The following PCID2 variants were observed in gnomAD, a reference collection of about 807,000 sequenced individuals.
PCID2 encodes PCI domain-containing protein 2.
A neutral mutation model predicts 61.3 loss-of-function variants in PCID2; 41 were observed. That is an observed-to-expected ratio of 0.67 (90% CI 0.52 to 0.87). The LOEUF is 0.87. PCID2 is among the 40% of genes least tolerant of loss of function. The pLI is 0.00. For missense variants in PCID2, 392 were observed against 493.4 expected, an observed-to-expected ratio of 0.79 and a Z score of 1.95; for synonymous variants, 187 against 177.8, an observed-to-expected ratio of 1.05 and a Z score of -0.41.
At chr13:113,167,850 T>A in the PCID2 span, among the ~76,000 whole-genome samples, 1 of 152,238 alleles carries the variant, frequency 6.6e-6, no homozygotes, top group African/African-American at 2.4e-5. Context: ...TCTTATCTGT[T>A]CTTTTCCCCT....
chr13:113,198,636 G>A (rs774997742), intron 2 of PCID2, among the ~76,000 whole-genome samples: 1 of 152,148 alleles, frequency 6.6e-6, no homozygotes, highest in African/African-American at 2.4e-5. Context: ...ACATGGGTGG[G>A]GGAGGTTGTA....
intron 3 of PCID2, 62 bp from the exon 4 acceptor site, chr13:113,197,305 A>C (rs954665365): frequency 5.2e-6 from 6 of 1,160,276 alleles, no homozygotes; most frequent in Non-Finnish European, 7.8e-6. Flanking sequence ...TATGCAGCCC[A>C]CACAGCTCAC....
chr13:113,198,119 T>G, intron 3 of PCID2, 72 bp downstream of exon 3: 1 of 1,020,878 alleles, frequency 9.8e-7, no homozygotes, highest in Non-Finnish European at 1.5e-6. Flanking sequence ...CACAAGATAA[T>G]GCAAGATAAA....
At chr13:113,167,763 T>C in the PCID2 span, among the ~76,000 whole-genome samples, 1 of 152,224 alleles carries the variant, frequency 6.6e-6, no homozygotes, top group Non-Finnish European at 1.5e-5. Context: ...TTAATTGGGG[T>C]ATTTAGGCCA....
intron 7 of PCID2, chr13:113,188,614 G>A (rs1340211574): frequency 6.6e-6 from 1 of 152,210 alleles, no homozygotes; most frequent in Admixed American, 6.5e-5. Flanking sequence ...CAAAAAGATG[G>A]CAGTGCTTCA....
At chr13:113,171,522 A>G in the PCID2 span, 1 of 1,599,500 alleles carries the variant, frequency 6.3e-7, no homozygotes, top group Admixed American at 1.7e-5. This position sits in a 1 kb window ranked among gnomAD's most constrained non-coding sequence, Gnocchi z 5.1. Flanking sequence ...TGGCTCCCTG[A>G]GAAGCTCGTT....
chr13:113,204,123 C>T (rs548555847), intron 1 of PCID2, among the ~76,000 whole-genome samples: 1 of 152,380 alleles, frequency 6.6e-6, no homozygotes, highest in Admixed American at 6.5e-5. Context: ...CTTATGGTTC[C>T]AGGCACTCCA....
In PCID2 at chr13:113,185,679, T is replaced by C. The variant is rs2038046322; in HGVS notation, c.468-119A>G. ...GGTAAGTCCCAAAGCTCAAGTCATATTCATATCAACTTATTCATATCAAGT... is the reference window on the plus strand; with the variant it reads ...GGTAAGTCCCAAAGCTCAAGTCATACTCATATCAACTTATTCATATCAAGT... On this transcript the variant is annotated intron_variant, in intron 7 of 13. Transcript: ENST00000337344. 16 of 628,954 alleles carry C rather than the reference T, an allele frequency of 2.5e-5. No individual in the cohort carries two copies. The South Asian group carries it at 3.4e-4, about 13-fold the overall frequency. The allele number at this position is 628,954 out of a possible 1,614,324, so 39.0% of individuals were successfully genotyped here. A position where few individuals can be genotyped will look rare whatever the true frequency, so the allele number is the denominator to read the frequency against.
intron 4 of PCID2, chr13:113,196,945 A>T: frequency 9.3e-7 from 1 of 1,080,400 alleles, no homozygotes; most frequent in Non-Finnish European, 1.4e-6. Context: ...GCAGAGTAAG[A>T]TCCTTCTTCC....
intron 3 of PCID2, among the ~76,000 whole-genome samples, chr13:113,197,599 A>C (rs965543598): frequency 6.6e-6 from 1 of 152,206 alleles, no homozygotes; most frequent in African/African-American, 2.4e-5. Context: ...AACCTATCGC[A>C]CACTGCACAG....
chr13:113,188,411 G>C (rs2138763649), intron 7 of PCID2: 1 of 152,352 alleles, frequency 6.6e-6, no homozygotes, highest in South Asian at 2.1e-4. Context: ...TTCAGCAATA[G>C]GATGCCTGAG....
the PCID2 span, among the ~76,000 whole-genome samples, chr13:113,170,031 T>C: frequency 2.0e-5 from 3 of 152,232 alleles, no homozygotes; most frequent in Admixed American, 2.0e-4. Context: ...CGTCCTGCTC[T>C]GCACCATGGA....
intron 10 of PCID2, 65 bp from the exon 11 acceptor site, chr13:113,180,296 TCA>T: frequency 8.1e-7 from 1 of 1,240,216 alleles, no homozygotes; most frequent in Non-Finnish European, 1.2e-6. Context: ...TGATAAATAT[TCA>T]TATCAAGGAA....
chr13:113,205,117 A>G (rs2039711946), intron 1 of PCID2, among the ~76,000 whole-genome samples: 1 of 152,238 alleles, frequency 6.6e-6, no homozygotes, highest in South Asian at 2.1e-4. Context: ...GTCACTTCTG[A>G]ATAGTCAAAC....
intron 8 of PCID2, 62 bp from the exon 9 acceptor site, chr13:113,184,549 A>ATTAC (rs2037927912): frequency 1.3e-5 from 12 of 894,648 alleles, no homozygotes; most frequent in Admixed American, 2.1e-5. Context: ...GGCAAAACAA[A>ATTAC]TTACTAAGCA....
At chr13:113,204,862 A>G (rs1595280898) in intron 1 of PCID2, among the ~76,000 whole-genome samples, 1 of 152,186 alleles carries the variant, frequency 6.6e-6, no homozygotes, top group African/African-American at 2.4e-5. Context: ...TTAACAGCTC[A>G]TGCTGCAGAG....
At chr13:113,182,916 C>G (rs1221939717) in intron 9 of PCID2, among the ~76,000 whole-genome samples, 1 of 152,254 alleles carries the variant, frequency 6.6e-6, no homozygotes, top group African/African-American at 2.4e-5. Flanking sequence ...GTATAAATCT[C>G]TGAAATTAAT....
intron 13 of PCID2, chr13:113,178,577 C>T (rs1708172178): frequency 2.5e-6 from 1 of 395,198 alleles, no homozygotes; most frequent in Non-Finnish European, 4.7e-6. Context: ...CTAAACAATA[C>T]AGTACAACAG....
rs565088306 is a variant in PCID2, at chr13:113,198,726, T to C, written c.127-462A>G. 2.0e-5 allele frequency among the ~76,000 whole-genome samples: 3 copies of C among 152,158 alleles called. No individual in the cohort carries two copies. In the East Asian group the frequency reaches 5.8e-4, roughly 29 times the overall value. ...TCTCATAAATAAATAAATAAATAAATGGTTCATTACTTCAACAAATATTTA... is the reference window on the plus strand; with the variant it reads ...TCTCATAAATAAATAAATAAATAAACGGTTCATTACTTCAACAAATATTTA... On this transcript the variant is annotated intron_variant, in intron 2 of 13. Coordinates refer to ENST00000337344, the MANE Select transcript of PCID2 (RefSeq NM_001127202.4).
Sources: gnomAD v4.1 joint callset for allele counts (sites outside exome capture counted in the v4.1 genomes callset) on GRCh38, gnomAD v4.1.1 for gene constraint, Gnocchi (gnomAD v3.1) non-coding constraint, MANE v1.5 for transcripts, NCBI Gene and HGNC (gene_info 2026-07-23, HGNC 2026-07-21) for gene names.